ARHGAP26: variants seen among roughly 807,000 people sequenced by gnomAD.
The protein encoded by ARHGAP26 is rho GTPase-activating protein 26.
ARHGAP26 carries 38 observed loss-of-function variants against 104.8 expected under a neutral mutation model. That is an observed-to-expected ratio of 0.36 (90% confidence interval 0.28 to 0.48). The LOEUF (loss-of-function observed/expected upper bound fraction) is 0.48. Among genes scored for constraint, ARHGAP26 ranks in the 20% least tolerant of loss-of-function variants. The probability of loss-of-function intolerance (pLI) is 0.99; values close to 1 mark genes in which losing one functional copy is unlikely to be tolerated. For synonymous variants in ARHGAP26, 341 were observed against 340.0 expected, an observed-to-expected ratio of 1.00 and a Z score of -0.03; for missense variants, 704 against 947.9, an observed-to-expected ratio of 0.74 and a Z score of 3.38.
intron 20 of ARHGAP26, among the ~76,000 whole-genome samples, chr5:143,199,456 A>G (rs905803287): frequency 6.6e-5 from 10 of 152,174 alleles, no homozygotes; most frequent in Admixed American, 6.5e-4. Context: ...ATTTCCCTTT[A>G]CCTTAAGTCA....
intron 11 of ARHGAP26, among the ~76,000 whole-genome samples, chr5:142,944,720 G>A (rs540732409): frequency 2.2e-4 from 34 of 152,266 alleles, no homozygotes; most frequent in African/African-American, 7.0e-4. Flanking sequence ...AAGATACTTA[G>A]AACAGTGTCT....
At chr5:143,002,080 TTGTC>T (rs1279370772) in intron 11 of ARHGAP26, among the ~76,000 whole-genome samples, 2 of 152,192 alleles carry the variant, frequency 1.3e-5, no homozygotes, top group Non-Finnish European at 2.9e-5. Context: ...TGCTTTGAGT[TTGTC>T]TGACTGCATC....
chr5:142,861,313 G>A (rs1753295709), intron 1 of ARHGAP26, among the ~76,000 whole-genome samples: 1 of 151,712 alleles, frequency 6.6e-6, no homozygotes, highest in African/African-American at 2.4e-5. Flanking sequence ...TTCTGGGAAT[G>A]TTATTAGGTG....
intron 1 of ARHGAP26, among the ~76,000 whole-genome samples, chr5:142,855,838 C>G (rs189826628): frequency 1.6e-4 from 25 of 152,284 alleles, no homozygotes; most frequent in Non-Finnish European, 3.1e-4. Flanking sequence ...CATGAAGGCA[C>G]AGCCTGTCTA....
At chr5:143,156,204 T>G (rs1322228747) in intron 20 of ARHGAP26, among the ~76,000 whole-genome samples, 1 of 152,240 alleles carries the variant, frequency 6.6e-6, no homozygotes, top group Non-Finnish European at 1.5e-5. Flanking sequence ...AAATTAAAAG[T>G]ACATTAGAGT....
intron 1 of ARHGAP26, among the ~76,000 whole-genome samples, chr5:142,819,077 T>C (rs977764477): frequency 2.0e-5 from 3 of 152,200 alleles, no homozygotes; most frequent in African/African-American, 7.2e-5. Flanking sequence ...AGTTTATTGC[T>C]AGGTTACTGG....
intron 5 of ARHGAP26, among the ~76,000 whole-genome samples, 192 bp from the exon 6 acceptor site, chr5:142,894,046 A>C (rs550658603): frequency 1.3e-5 from 2 of 151,960 alleles, no homozygotes; most frequent in South Asian, 2.1e-4. Context: ...TATGTATTTA[A>C]GTTGTATAAT....
At chr5:142,930,628 A>G (rs1025472942) in intron 10 of ARHGAP26, among the ~76,000 whole-genome samples, 1 of 149,174 alleles carries the variant, frequency 6.7e-6, no homozygotes, top group Non-Finnish European at 1.5e-5. Flanking sequence ...TTGTTTTCTC[A>G]CTCCCTTCTC....
intron 10 of ARHGAP26, among the ~76,000 whole-genome samples, chr5:142,920,928 C>T (rs37191): frequency 0.082 from 12,465 of 152,182 alleles, 788 homozygotes; most frequent in East Asian, 0.27. Context: ...GACTGGAATA[C>T]GCTGAATTCA....
At chr5:143,068,205 A>T (rs2150361168) in intron 17 of ARHGAP26, among the ~76,000 whole-genome samples, 1 of 152,298 alleles carries the variant, frequency 6.6e-6, no homozygotes, top group Middle Eastern at 3.4e-3. Flanking sequence ...AATTTATTGA[A>T]AGGCTCCTGG....
intron 12 of ARHGAP26, among the ~76,000 whole-genome samples, chr5:143,032,839 A>G (rs1341262575): frequency 3.9e-5 from 6 of 152,222 alleles, no homozygotes; most frequent in African/African-American, 7.2e-5. Flanking sequence ...GTGTGCATGC[A>G]TGCACATGTG....
chr5:143,128,570 C>T (rs917877630), intron 18 of ARHGAP26, among the ~76,000 whole-genome samples: 1 of 152,182 alleles, frequency 6.6e-6, no homozygotes. Flanking sequence ...TTAACAGTTA[C>T]AATACATAAG....
At chr5:143,099,686 A>C (rs1044480867) in intron 17 of ARHGAP26, among the ~76,000 whole-genome samples, 1 of 152,208 alleles carries the variant, frequency 6.6e-6, no homozygotes, top group Non-Finnish European at 1.5e-5. Context: ...TCCTCTGCTG[A>C]TAAGTCCAAA....
intron 11 of ARHGAP26, among the ~76,000 whole-genome samples, chr5:142,966,101 A>C (rs1241262512): frequency 6.6e-6 from 1 of 152,204 alleles, no homozygotes; most frequent in African/African-American, 2.4e-5. Context: ...TGGCAGAGAA[A>C]AGAATACAGA....
At chr5:142,861,755 G>A (rs1005140930) in intron 1 of ARHGAP26, among the ~76,000 whole-genome samples, 2 of 152,178 alleles carry the variant, frequency 1.3e-5, no homozygotes, top group African/African-American at 4.8e-5. Context: ...CTTCTCACAG[G>A]AGCCTCAGGA....
intron 14 of ARHGAP26, among the ~76,000 whole-genome samples, chr5:143,045,588 C>T (rs577422336): frequency 1.1e-3 from 169 of 152,332 alleles, no homozygotes; most frequent in Middle Eastern, 6.8e-3. Flanking sequence ...GTGAACCTTT[C>T]ATTAACTATT....
At chr5:142,882,097 A>G (rs1411350126) in intron 4 of ARHGAP26, among the ~76,000 whole-genome samples, 2 of 152,198 alleles carry the variant, frequency 1.3e-5, no homozygotes, top group Non-Finnish European at 2.9e-5. Context: ...TGGACTCTAG[A>G]ATAAGTATAA....
intron 17 of ARHGAP26, among the ~76,000 whole-genome samples, chr5:143,087,357 A>G (rs900119045): frequency 6.6e-6 from 1 of 152,220 alleles, no homozygotes; most frequent in Non-Finnish European, 1.5e-5. Flanking sequence ...AAGGATGAGT[A>G]TCTAACTGTT....
intron 11 of ARHGAP26, among the ~76,000 whole-genome samples, chr5:142,967,138 T>G (rs40193): frequency 0.081 from 12,395 of 152,192 alleles, 780 homozygotes; most frequent in East Asian, 0.28. Context: ...GTGTTATTCT[T>G]AATGTTCTTT....
Sources: allele counts gnomAD v4.1 joint callset (sites outside exome capture counted in the v4.1 genomes callset), GRCh38; gene constraint gnomAD v4.1.1; transcripts MANE v1.5; gene names NCBI Gene and HGNC (gene_info 2026-07-23, HGNC 2026-07-21).